The following RPS6KA2 variants were observed in gnomAD, a reference collection of about 807,000 sequenced individuals.
RPS6KA2 encodes the protein ribosomal protein S6 kinase A2, also known as ribosomal protein S6 kinase alpha-2.
Under a neutral mutation model 91.8 loss-of-function variants are expected in RPS6KA2, and 42 were observed. The observed-to-expected ratio is 0.46, with a 90% CI of 0.36 to 0.59. The LOEUF is 0.59. RPS6KA2 is among the 20% of genes least tolerant of loss of function. The probability of loss-of-function intolerance (pLI) is 0.00; values close to 1 mark genes in which losing one functional copy is unlikely to be tolerated. For synonymous variants in RPS6KA2, 414 were observed against 393.6 expected, an observed-to-expected ratio of 1.05 and a Z score of -0.61; for missense variants, 798 against 978.5, an observed-to-expected ratio of 0.82 and a Z score of 2.46.
At chr6:166,512,059 G>A (rs1782492899) in intron 3 of RPS6KA2, among the ~76,000 whole-genome samples, 1 of 152,012 alleles carries the variant, frequency 6.6e-6, no homozygotes, top group African/African-American at 2.4e-5. Context: ...ATCAACAGAT[G>A]GATGAACAAA....
At chr6:166,506,523 A>G (rs949584774) in intron 5 of RPS6KA2, among the ~76,000 whole-genome samples, 5 of 152,192 alleles carry the variant, frequency 3.3e-5, no homozygotes, top group African/African-American at 1.2e-4. Context: ...GCAGGAGGCA[A>G]AGGAAGGGGC....
At position 166,412,487 on chromosome 6, in the gene RPS6KA2, C is replaced by A; in HGVS notation, c.*275G>T. ...AGGACCCGCGGGCTCTGAAAGAAGCCCCCGGCCTCGCACGGGCACGCGAGG... is the reference window on the plus strand; with the variant it reads ...AGGACCCGCGGGCTCTGAAAGAAGCACCCGGCCTCGCACGGGCACGCGAGG... On this transcript the variant is annotated 3_prime_UTR_variant, in exon 21 of 21. Transcript: ENST00000265678. This position sits in a 1 kb window ranked among gnomAD's most constrained non-coding sequence, Gnocchi z 4.3. 1 of 279,752 alleles carries A rather than the reference C, an allele frequency of 3.6e-6. No homozygotes were observed. Among genetic ancestry groups the A allele is most frequent in the South Asian group, 9.5e-5 (1 of 10,518 alleles). The allele number at this position is 279,752 out of a possible 1,614,324, so 17.3% of individuals were successfully genotyped here.
Position 166,530,565 on chromosome 6 carries a change from C to T in RPS6KA2, c.298+667G>A, listed in dbSNP as rs77285077. 5.5e-3 allele frequency among the ~76,000 whole-genome samples: 837 copies of T among 152,318 alleles called. 4 individuals carry two copies. Among genetic ancestry groups the T allele is most frequent in the African/African-American group, 0.019 (787 of 41,582 alleles). On this transcript the variant is annotated intron_variant, in intron 3 of 20. Coordinates refer to ENST00000265678, the MANE Select transcript of RPS6KA2 (RefSeq NM_021135.6). ...GTCAGTTCATCTGTCCAGTGCCCGG[C>T]GCTGTGTGTTCAATCGCCTAATGCT... is the stretch of plus-strand genomic sequence containing the variant.
intron 1 of RPS6KA2, among the ~76,000 whole-genome samples, chr6:166,573,384 G>A (rs1261442028): frequency 6.6e-6 from 1 of 152,236 alleles, no homozygotes; most frequent in Non-Finnish European, 1.5e-5. Context: ...GGATGGCAGG[G>A]TCTGCAGGGG....
At chr6:166,668,287 G>A (rs1788374654) in intron 2 of RPS6KA2, among the ~76,000 whole-genome samples, 2 of 152,188 alleles carry the variant, frequency 1.3e-5, no homozygotes, top group Middle Eastern at 3.2e-3. Context: ...TCCTTCCCTT[G>A]TGTGGGGCCC....
At chr6:166,861,142 G>A (rs1781037200) in intron 1 of RPS6KA2, among the ~76,000 whole-genome samples, 1 of 152,188 alleles carries the variant, frequency 6.6e-6, no homozygotes, top group Non-Finnish European at 1.5e-5. Context: ...TTCTAAAACA[G>A]AATCTCTCAT....
At chr6:166,472,145 T>C (rs905851887) in intron 10 of RPS6KA2, among the ~76,000 whole-genome samples, 6 of 152,206 alleles carry the variant, frequency 3.9e-5, no homozygotes, top group South Asian at 4.1e-4. Flanking sequence ...TGGTGACTGT[T>C]GGACGCATGG....
chr6:166,469,466 C>T (rs534372695), intron 11 of RPS6KA2, among the ~76,000 whole-genome samples: 1 of 152,012 alleles, frequency 6.6e-6, no homozygotes, highest in South Asian at 2.1e-4. Context: ...TGACTTTTGT[C>T]TGTTCAGCCC....
At chr6:166,698,723 T>C (rs1789424523) in intron 2 of RPS6KA2, among the ~76,000 whole-genome samples, 1 of 152,206 alleles carries the variant, frequency 6.6e-6, no homozygotes, top group South Asian at 2.1e-4. Context: ...AAGAAGCTGC[T>C]GGCAGGAAGG....
intron 2 of RPS6KA2, among the ~76,000 whole-genome samples, chr6:166,641,199 C>A (rs927889558): frequency 6.6e-6 from 1 of 152,084 alleles, no homozygotes; most frequent in African/African-American, 2.4e-5. Context: ...ATCACAGATA[C>A]AAACTGTGGG....
chr6:166,467,990 G>C (rs1297491681), intron 11 of RPS6KA2, among the ~76,000 whole-genome samples: 2 of 152,254 alleles, frequency 1.3e-5, no homozygotes, highest in East Asian at 3.8e-4. Flanking sequence ...AACATGCTGT[G>C]ACCCCCTGAG....
At chr6:166,592,297 C>A (rs1422894802) in intron 1 of RPS6KA2, among the ~76,000 whole-genome samples, 1 of 152,216 alleles carries the variant, frequency 6.6e-6, no homozygotes, top group Non-Finnish European at 1.5e-5. Context: ...CAGATTAAAA[C>A]CAGGGAACTC....
intron 1 of RPS6KA2, among the ~76,000 whole-genome samples, chr6:166,621,515 A>G (rs1786635122): frequency 6.6e-6 from 1 of 152,226 alleles, no homozygotes; most frequent in African/African-American, 2.4e-5. Flanking sequence ...TTTGAATTCA[A>G]TGTAATAGCT....
intron 2 of RPS6KA2, among the ~76,000 whole-genome samples, chr6:166,836,220 G>T (rs1780312372): frequency 1.3e-5 from 2 of 151,904 alleles, no homozygotes; most frequent in East Asian, 1.9e-4. Context: ...TGTTTTTCTT[G>T]TAATGTCTTT....
Position 166,845,045 on chromosome 6 carries a change from A to C in RPS6KA2, c.123+13155T>G, listed in dbSNP as rs1780573013. Among the ~76,000 whole-genome samples, 3 of 152,332 alleles carry C rather than the reference A, an allele frequency of 2.0e-5. No homozygotes were observed. The South Asian group carries it at 6.2e-4, about 32-fold the overall frequency. On this transcript the variant is annotated intron_variant, in intron 2 of 21. Transcript: ENST00000503859. ...ATATTCCATGAAAATGCATACCAAA[A>C]GCAAGCAGGAGTAACTATTCTTATA...
chr6:166,680,982 C>G (rs1000391046), intron 2 of RPS6KA2, among the ~76,000 whole-genome samples: 2 of 152,198 alleles, frequency 1.3e-5, no homozygotes, highest in Non-Finnish European at 2.9e-5. Flanking sequence ...TTTGGCGTAT[C>G]GAGTGAGGAC....
intron 20 of RPS6KA2, among the ~76,000 whole-genome samples, 162 bp from the exon 21 acceptor site, chr6:166,413,049 G>A (rs1001883638): frequency 2.0e-4 from 30 of 152,216 alleles, no homozygotes; most frequent in African/African-American, 6.7e-4. Context: ...CTGCCGCCAG[G>A]GGCCAGCACA....
chr6:166,786,179 T>A (rs1350542288), intron 2 of RPS6KA2, among the ~76,000 whole-genome samples: 1 of 152,232 alleles, frequency 6.6e-6, no homozygotes, highest in African/African-American at 2.4e-5. Context: ...TGGTGAACAG[T>A]CTCCTTTTAT....
chr6:166,807,051 A>G (rs575678635), intron 2 of RPS6KA2, among the ~76,000 whole-genome samples: 12 of 152,380 alleles, frequency 7.9e-5, no homozygotes, highest in African/African-American at 2.6e-4. Context: ...ATAAAAATCA[A>G]CTAAACACAA....
Sources: allele counts gnomAD v4.1 joint callset (sites outside exome capture counted in the v4.1 genomes callset), GRCh38; gene constraint gnomAD v4.1.1; non-coding constraint Gnocchi (gnomAD v3.1); transcripts MANE v1.5; gene names NCBI Gene and HGNC (gene_info 2026-07-23, HGNC 2026-07-21).